Variants in RFX3 observed in about 807,000 individuals in gnomAD.
RFX3 encodes transcription factor RFX3.
In RFX3, 14 loss-of-function variants were observed where a neutral mutation model predicts 98.6. The ratio of observed to expected loss-of-function variants is 0.14; its 90% confidence interval spans 0.09 to 0.22. RFX3 has a LOEUF of 0.22. RFX3 is among the 10% of genes least tolerant of loss of function. The probability of loss-of-function intolerance (pLI) is 1.00; values close to 1 mark genes in which losing one functional copy is unlikely to be tolerated. For missense variants in RFX3, 639 were observed against 926.9 expected, an observed-to-expected ratio of 0.69 and a Z score of 4.03; for synonymous variants, 383 against 328.4, an observed-to-expected ratio of 1.17 and a Z score of -1.80.
chr9:3,465,913 C>T lies in RFX3; in HGVS notation c.-9+59834G>A, dbSNP rs906145854. On this transcript the variant is annotated intron_variant, in intron 1 of 16. Coordinates refer to ENST00000617270, the MANE Select transcript of RFX3 (RefSeq NM_001282116.2). ...AAAAAGTGAAGGACAGCATTCTTAGCAGGGCAAAGAACAGGAGAATGATGT... is the reference window on the plus strand; with the variant it reads ...AAAAAGTGAAGGACAGCATTCTTAGTAGGGCAAAGAACAGGAGAATGATGT... Among the ~76,000 whole-genome samples, 3 of 151,980 alleles carry T rather than the reference C, an allele frequency of 2.0e-5. No homozygotes were observed. In the East Asian group the frequency reaches 5.8e-4, roughly 29 times the overall value.
intron 12 of RFX3, among the ~76,000 whole-genome samples, chr9:3,263,805 T>C (rs1406752460): frequency 6.6e-6 from 1 of 152,192 alleles, no homozygotes; most frequent in Admixed American, 6.5e-5. Flanking sequence ...GTTCTCTGGC[T>C]TCCACCTGGG....
chr9:3,301,937 T>A (rs1396722693), intron 4 of RFX3, among the ~76,000 whole-genome samples: 1 of 151,920 alleles, frequency 6.6e-6, no homozygotes, highest in East Asian at 1.9e-4. Flanking sequence ...ACTTTCATAG[T>A]TCAGGATATG....
At chr9:3,484,391 AAAG>A (rs1479042127) in intron 1 of RFX3, among the ~76,000 whole-genome samples, 5 of 152,212 alleles carry the variant, frequency 3.3e-5, no homozygotes, top group Non-Finnish European at 7.3e-5. Context: ...CAAGGTAGCT[AAAG>A]GAGTCAGTAG....
At chr9:3,374,092 GCACACACACA>G (rs35924655) in intron 2 of RFX3, among the ~76,000 whole-genome samples, 1 of 147,866 alleles carries the variant, frequency 6.8e-6, no homozygotes, top group African/African-American at 2.5e-5. Context: ...ACACACGCGC[GCACACACACA>G]CACACACACA....
chr9:3,444,521 G>C (rs1587695754), intron 1 of RFX3, among the ~76,000 whole-genome samples: 1 of 152,214 alleles, frequency 6.6e-6, no homozygotes, highest in Non-Finnish European at 1.5e-5. Flanking sequence ...TAGTTTCACA[G>C]CTATATACTA....
At chr9:3,495,720 T>C (rs533477901) in intron 1 of RFX3, among the ~76,000 whole-genome samples, 2 of 152,222 alleles carry the variant, frequency 1.3e-5, no homozygotes, top group African/African-American at 2.4e-5. Context: ...ATGTTAAGCA[T>C]GTTCTGTGCC....
At chr9:3,456,816 C>A (rs1295027055) in intron 1 of RFX3, among the ~76,000 whole-genome samples, 1 of 152,062 alleles carries the variant, frequency 6.6e-6, no homozygotes, top group Admixed American at 6.5e-5. Flanking sequence ...GAGGACTACT[C>A]AAGTCCTCAC....
At chr9:3,517,672 G>A (rs7046581) in intron 1 of RFX3, among the ~76,000 whole-genome samples, 135,686 of 152,314 alleles carry the variant, frequency 0.89, 60,639 homozygotes, top group East Asian at 1. Flanking sequence ...CAAACACAGT[G>A]TTTATGGACT....
intron 1 of RFX3, among the ~76,000 whole-genome samples, chr9:3,460,273 A>G (rs1248645235): frequency 6.6e-6 from 1 of 152,082 alleles, no homozygotes; most frequent in African/African-American, 2.4e-5. Flanking sequence ...TCTGGGCTCT[A>G]CAAATTAAAT....
At chr9:3,300,293 G>T (rs941889074) in intron 5 of RFX3, among the ~76,000 whole-genome samples, 1 of 151,650 alleles carries the variant, frequency 6.6e-6, no homozygotes, top group Non-Finnish European at 1.5e-5. Flanking sequence ...ATACTATCAT[G>T]TTTAAGTTTG....
chr9:3,389,781 C>G lies in RFX3; in HGVS notation c.117+5691G>C, dbSNP rs765303120. On this transcript the variant is annotated intron_variant, in intron 2 of 16. Transcript: ENST00000617270. ...CATGTTTAATGCTGGGTCCCACCCC[C>G]AAGATCTCTCATTATGTATATGCAA... Among the ~76,000 whole-genome samples, 6 of 152,064 alleles carry G rather than the reference C, an allele frequency of 3.9e-5. 1 individual carries two copies. The South Asian group carries it at 1.2e-3, about 31-fold the overall frequency.
intron 4 of RFX3, among the ~76,000 whole-genome samples, chr9:3,310,012 G>A (rs183618382): frequency 4.3e-4 from 66 of 152,286 alleles, no homozygotes; most frequent in Non-Finnish European, 7.1e-4. Flanking sequence ...TTGTGTGACC[G>A]TCTTTTAGAG....
chr9:3,389,467 T>C (rs1840060901), intron 2 of RFX3, among the ~76,000 whole-genome samples: 1 of 152,254 alleles, frequency 6.6e-6, no homozygotes, highest in East Asian at 1.9e-4. Flanking sequence ...ATCAATTTTA[T>C]TGAATTGGGC....
At chr9:3,319,865 A>C (rs576759809) in intron 4 of RFX3, among the ~76,000 whole-genome samples, 5 of 152,308 alleles carry the variant, frequency 3.3e-5, no homozygotes, top group East Asian at 1.9e-4. Flanking sequence ...AAAAAAAAAA[A>C]AAACTCAGAT....
intron 2 of RFX3, among the ~76,000 whole-genome samples, chr9:3,395,087 G>A (rs992805865): frequency 2.0e-5 from 3 of 152,198 alleles, no homozygotes; most frequent in African/African-American, 7.2e-5. Flanking sequence ...AAGTACTACT[G>A]TGAGCCAACT....
chr9:3,259,647 CA>C (rs1822602224), intron 13 of RFX3, among the ~76,000 whole-genome samples: 2 of 151,762 alleles, frequency 1.3e-5, no homozygotes, highest in South Asian at 4.2e-4. Context: ...ATGTAGATCT[CA>C]AAAACCACCA....
intron 1 of RFX3, among the ~76,000 whole-genome samples, chr9:3,421,789 A>C (rs1479005723): frequency 6.6e-6 from 1 of 152,108 alleles, no homozygotes; most frequent in African/African-American, 2.4e-5. Flanking sequence ...CATCACCTCT[A>C]ATATATTTTC....
chr9:3,384,707 G>C (rs1179025092), intron 2 of RFX3, among the ~76,000 whole-genome samples: 1 of 152,136 alleles, frequency 6.6e-6, no homozygotes, highest in African/African-American at 2.4e-5. Flanking sequence ...ATAGCTTATA[G>C]TGCAGACTGA....
At chr9:3,452,012 A>G (rs1241818887) in intron 1 of RFX3, among the ~76,000 whole-genome samples, 2 of 152,170 alleles carry the variant, frequency 1.3e-5, no homozygotes, top group African/African-American at 2.4e-5. Context: ...AATGAGAAGC[A>G]TATTTCTGCA....
Sources: allele counts gnomAD v4.1 joint callset (sites outside exome capture counted in the v4.1 genomes callset), GRCh38; gene constraint gnomAD v4.1.1; transcripts MANE v1.5; gene names NCBI Gene and HGNC (gene_info 2026-07-23, HGNC 2026-07-21).